The following RBFOX1 variants were observed in gnomAD, a reference collection of about 807,000 sequenced individuals.
RBFOX1 encodes RNA binding protein fox-1 homolog 1.
In RBFOX1, 8 loss-of-function variants were observed where a neutral mutation model predicts 57.7. The ratio of observed to expected loss-of-function variants is 0.14; its 90% CI spans 0.08 to 0.25. RBFOX1 has a LOEUF of 0.25. Among genes scored for constraint, RBFOX1 ranks in the 10% least tolerant of loss-of-function variants. The probability of loss-of-function intolerance (pLI) is 1.00; values close to 1 mark genes in which losing one functional copy is unlikely to be tolerated. For synonymous variants in RBFOX1, 326 were observed against 222.4 expected, an observed-to-expected ratio of 1.47 and a Z score of -4.15; for missense variants, 611 against 548.5, an observed-to-expected ratio of 1.11 and a Z score of -1.14.
intron 1 of RBFOX1, among the ~76,000 whole-genome samples, chr16:5,399,539 T>C (rs1402507257): frequency 3.9e-5 from 6 of 152,190 alleles, no homozygotes; most frequent in Admixed American, 3.3e-4. Context: ...ATTGGATCAA[T>C]GCCATCCTGG....
In RBFOX1 at chr16:7,695,917, A is replaced by T. The variant is rs62010246; in HGVS notation, c.996-13139A>T. 9.0e-3 allele frequency among the ~76,000 whole-genome samples: 1,375 copies of T among 152,300 alleles called. 13 individuals carry two copies. Among genetic ancestry groups the T allele is most frequent in the South Asian group, 0.031 (150 of 4,824 alleles). On this transcript the variant is annotated intron_variant, in intron 14 of 15. Transcript: ENST00000550418. Reference sequence around the variant, plus strand: ...ATAAAGAGGTGCTATTGTCACATTGATGCCCATGGTGGATGGGCTAAGCAT... The same window carrying T: ...ATAAAGAGGTGCTATTGTCACATTGTTGCCCATGGTGGATGGGCTAAGCAT...
intron 4 of RBFOX1, among the ~76,000 whole-genome samples, chr16:7,265,629 A>T (rs1165144300): frequency 1.3e-5 from 2 of 151,620 alleles, no homozygotes; most frequent in East Asian, 2.0e-4. Flanking sequence ...TTGTATTTTT[A>T]GTAGAGACGA....
intron 1 of RBFOX1, among the ~76,000 whole-genome samples, chr16:6,111,982 A>G (rs2096451896): frequency 6.6e-6 from 1 of 152,178 alleles, no homozygotes; most frequent in Non-Finnish European, 1.5e-5. Flanking sequence ...AAGGATCGCT[A>G]AAACTTAATC....
chr16:5,975,022 TA>T lies in RBFOX1; in HGVS notation c.351+107690del, dbSNP rs1178064653. Among the ~76,000 whole-genome samples the T allele has an allele frequency of 4.6e-4, 70 of 152,010 alleles. 1 individual carries two copies. The highest frequency in any genetic ancestry group is 1.6e-3 in the African/African-American group (65 of 41,436). On this transcript the variant is annotated intron_variant, in intron 4 of 19. Transcript: ENST00000641259. ...AAACTCCGTCTCAAAAATAAATAAA[TA>T]AATAAAAATAACAAAAGTAAAAAAC...
intron 3 of RBFOX1, among the ~76,000 whole-genome samples, chr16:5,642,997 A>G (rs2048932146): frequency 6.6e-6 from 1 of 152,132 alleles, no homozygotes; most frequent in Admixed American, 6.5e-5. Context: ...CCTGAGCACG[A>G]CTTCCTGGAG....
intron 3 of RBFOX1, among the ~76,000 whole-genome samples, chr16:6,904,485 C>T (rs2069270398): frequency 1.3e-5 from 2 of 151,576 alleles, no homozygotes; most frequent in South Asian, 2.1e-4. Flanking sequence ...CCTGTAATCC[C>T]AGCTACTCGG....
intron 1 of RBFOX1, among the ~76,000 whole-genome samples, chr16:6,080,135 G>A (rs2095978071): frequency 6.6e-6 from 1 of 152,192 alleles, no homozygotes; most frequent in Non-Finnish European, 1.5e-5. Context: ...ACCTTGGTGT[G>A]TACTTGATGG....
intron 2 of RBFOX1, among the ~76,000 whole-genome samples, chr16:5,556,058 G>A (rs184006418): frequency 1.3e-5 from 2 of 151,936 alleles, no homozygotes; most frequent in African/African-American, 4.8e-5. Context: ...GACAAACAAC[G>A]ACACCAAAAA....
chr16:5,699,773 A>T (rs1462787005), intron 3 of RBFOX1, among the ~76,000 whole-genome samples: 1 of 152,174 alleles, frequency 6.6e-6, no homozygotes, highest in Non-Finnish European at 1.5e-5. Context: ...AGGTTGAGAA[A>T]TCCTTCATGA....
chr16:5,967,566 A>G (rs2059871515), intron 4 of RBFOX1, among the ~76,000 whole-genome samples: 1 of 152,236 alleles, frequency 6.6e-6, no homozygotes, highest in Non-Finnish European at 1.5e-5. Context: ...TAAAGCAAGA[A>G]AAACACACAC....
intron 3 of RBFOX1, among the ~76,000 whole-genome samples, chr16:6,917,721 G>A (rs911685327): frequency 1.3e-5 from 2 of 152,172 alleles, no homozygotes; most frequent in Non-Finnish European, 2.9e-5. Flanking sequence ...TGCTTCGATG[G>A]GAACCTCGGC....
intron 4 of RBFOX1, among the ~76,000 whole-genome samples, chr16:7,171,733 A>G (rs1326338663): frequency 6.6e-6 from 1 of 152,234 alleles, no homozygotes. Context: ...TAAGCCTCAG[A>G]ACTGTAATAA....
intron 1 of RBFOX1, among the ~76,000 whole-genome samples, chr16:6,176,529 T>A (rs2097011990): frequency 6.6e-6 from 1 of 151,982 alleles, no homozygotes; most frequent in Non-Finnish European, 1.5e-5. Flanking sequence ...GCAATCAGGG[T>A]ACTTAAACTT....
intron 1 of RBFOX1, among the ~76,000 whole-genome samples, chr16:5,368,189 T>A (rs558303085): frequency 2.8e-4 from 43 of 152,348 alleles, no homozygotes; most frequent in African/African-American, 8.2e-4. Context: ...CGCATAATAT[T>A]TGAAGCTGCT....
chr16:7,685,676 G>T (rs2075916782), intron 14 of RBFOX1, among the ~76,000 whole-genome samples: 1 of 152,096 alleles, frequency 6.6e-6, no homozygotes, highest in Non-Finnish European at 1.5e-5. Context: ...TGAATATATA[G>T]AGGCAGTAGC....
chr16:7,088,839 C>A (rs2060377312), intron 4 of RBFOX1, among the ~76,000 whole-genome samples: 1 of 152,168 alleles, frequency 6.6e-6, no homozygotes, highest in African/African-American at 2.4e-5. Context: ...AGGTTCAACT[C>A]AACCTCTGTC....
rs555651101 is a variant in RBFOX1, at chr16:5,975,334, C to G, written c.351+107999C>G. ...ATCACCCAAGCTCTGCAGCCTTCGT[C>G]CATATCATTAGAGCAATAGCTGCTT... On this transcript the variant is annotated intron_variant, in intron 4 of 19. Transcript: ENST00000641259. Among the ~76,000 whole-genome samples, 22 of 152,276 alleles carry G rather than the reference C, an allele frequency of 1.4e-4. No homozygotes were observed. In the South Asian group the frequency reaches 3.7e-3, roughly 26 times the overall value.
At chr16:7,685,805 T>A (rs2075945432) in intron 14 of RBFOX1, among the ~76,000 whole-genome samples, 2 of 152,112 alleles carry the variant, frequency 1.3e-5, no homozygotes, top group African/African-American at 2.4e-5. Flanking sequence ...ATCCCAGGTC[T>A]TGTAGGTAAC....
At chr16:6,489,305 G>C (rs745627735) in intron 2 of RBFOX1, among the ~76,000 whole-genome samples, 1 of 152,028 alleles carries the variant, frequency 6.6e-6, no homozygotes, top group Non-Finnish European at 1.5e-5. Context: ...ATCTTTAAAG[G>C]TTTGGCACAT....
Sources: allele counts gnomAD v4.1 joint callset (sites outside exome capture counted in the v4.1 genomes callset), GRCh38; gene constraint gnomAD v4.1.1; transcripts MANE v1.5; gene names NCBI Gene and HGNC (gene_info 2026-07-23, HGNC 2026-07-21).